Variants in USH1G observed in about 807,000 individuals in gnomAD.
The protein encoded by USH1G is USH1 protein network component sans.
A neutral mutation model predicts 31.9 loss-of-function variants in USH1G; 27 were observed. The observed-to-expected ratio is 0.85, with a 90% confidence interval of 0.62 to 1.17. The LOEUF (loss-of-function observed/expected upper bound fraction) is 1.17, where lower values mean the gene tolerates loss of function less well. USH1G is among the 50% of genes most tolerant of loss of function. USH1G has a pLI of 0.00. For missense variants in USH1G, 674 were observed against 638.9 expected (o/e 1.05, Z -0.59); for synonymous variants, 266 against 283.2 (o/e 0.94, Z 0.61).
chr17:74,922,730 A>G (rs902568626), intron 1 of USH1G, among the ~76,000 whole-genome samples, 180 bp downstream of exon 1: 8 of 152,076 alleles, frequency 5.3e-5, no homozygotes, highest in Admixed American at 2.0e-4. Context: ...TCCAGGTCAC[A>G]AGTGTTAACA....
Position 74,920,254 on chromosome 17 carries a change from C to T in USH1G, c.582G>A (p.Ala194=), listed in dbSNP as rs373704838. 1 of 1,602,298 alleles carries T rather than the reference C, an allele frequency of 6.2e-7. No individual in the cohort carries two copies. Among genetic ancestry groups the T allele is most frequent in the African/African-American group, 1.3e-5 (1 of 75,050 alleles). Residue 194 remains alanine (A), a synonymous_variant, in exon 2 of 3, where the codon GCG becomes GCA. Transcript: ENST00000614341. This position sits in a 1 kb window ranked among gnomAD's most constrained non-coding sequence, Gnocchi z 5.2. Reference sequence around the variant, plus strand: ...GAGAGTACGGCAGGTGGCTGCCCAGCGCCAGATGCTGCAGCCGGCGGCTCA... The same window carrying T: ...GAGAGTACGGCAGGTGGCTGCCCAGTGCCAGATGCTGCAGCCGGCGGCTCA... The part of the protein sequence containing the change: ...STLSRRLQHL[A]LGSHLPYSQA...
At chr17:74,922,584 C>T (rs879857915) in intron 1 of USH1G, among the ~76,000 whole-genome samples, 2 of 152,014 alleles carry the variant, frequency 1.3e-5, no homozygotes, top group Non-Finnish European at 2.9e-5. Flanking sequence ...ACCTTCTCTC[C>T]GAGTCTCACT....
chr17:74,920,002 C>T lies in USH1G; in HGVS notation c.834G>A (p.Ser278=), dbSNP rs1289073343. 10 of 1,612,312 alleles carry T rather than the reference C, an allele frequency of 6.2e-6. No individual in the cohort carries two copies. The highest frequency in any genetic ancestry group is 8.5e-6 in the Non-Finnish European group (10 of 1,179,644). Residue 278 remains serine, a synonymous_variant, in exon 2 of 3, where the codon TCG becomes TCA. Coordinates refer to ENST00000614341, the MANE Select transcript of USH1G (RefSeq NM_173477.5). The surrounding 1 kb of genome is among the most constrained non-coding windows in gnomAD (Gnocchi z 5.2). ...GRAPLRDMFL[S]DEDSVSRATL... is the part of the protein sequence containing the mutation. ...TGGCACGGGAGACGCTGTCCTCGTC[C>T]GAGAGGAACATGTCCCGGAGCGGGG...
chr17:74,918,808 C>CA lies in USH1G; in HGVS notation c.1382+645dup, dbSNP rs58218083. ...CTGGATGACAAGAGGGAAACTGTCTCAAAAAAAAAAAAAAAAAAATCTGCC... is the reference window on the plus strand; with the variant it reads ...CTGGATGACAAGAGGGAAACTGTCTCAAAAAAAAAAAAAAAAAAAATCTGCC... On this transcript the variant is annotated intron_variant, in intron 2 of 2. Transcript: ENST00000614341. This position sits in a 1 kb window ranked among gnomAD's most constrained non-coding sequence, Gnocchi z 4.1. Among the ~76,000 whole-genome samples, 4,101 of 107,226 alleles carry CA rather than the reference C, an allele frequency of 0.038. 99 individuals are homozygous for CA. Among genetic ancestry groups the CA allele is most frequent in the Admixed American group, 0.076 (752 of 9,934 alleles). 70.3% of individuals were successfully genotyped at this position (107,226 alleles called of 152,430 possible).
At chr17:74,922,044 G>C (rs1446496882) in intron 1 of USH1G, among the ~76,000 whole-genome samples, 1 of 152,168 alleles carries the variant, frequency 6.6e-6, no homozygotes, top group Non-Finnish European at 1.5e-5. Context: ...AACCTTCCTG[G>C]GGTGTCCTGT....
chr17:74,919,667 C>T lies in USH1G; in HGVS notation c.1169G>A (p.Ser390Asn). ...AGAGGCCAGGAAGGTCTCCAGCGGGCTAGTCTCGGGCTCCAGGTCCTCGTC... is the reference window on the plus strand; with the variant it reads ...AGAGGCCAGGAAGGTCTCCAGCGGGTTAGTCTCGGGCTCCAGGTCCTCGTC... ...GLDEDLEPET[S>N]PLETFLASLH... The change falls in exon 2 of 3, where the codon AGC becomes AAC. Residue 390 changes from serine to asparagine, a missense_variant. Physicochemically the swap from Ser to Asn is conservative, Grantham distance 46. Coordinates refer to ENST00000614341, the MANE Select transcript of USH1G (RefSeq NM_173477.5). The surrounding 1 kb of genome is among the most constrained non-coding windows in gnomAD (Gnocchi z 4.5). 2 of 1,612,864 alleles carry T rather than the reference C, an allele frequency of 1.2e-6. No individual in the cohort carries two copies. The highest frequency in any genetic ancestry group is 2.2e-5 in the South Asian group (2 of 91,088).
At position 74,922,899 on chromosome 17, in the gene USH1G, G is replaced by A. The variant is rs113248968; in HGVS notation, c.164+11C>T. 23 of 1,543,326 alleles carry A rather than the reference G, an allele frequency of 1.5e-5. No homozygotes were observed. Among genetic ancestry groups the A allele is most frequent in the African/African-American group, 1.2e-4 (9 of 73,068 alleles). On this transcript the variant is annotated intron_variant, in intron 1 of 2. Transcript: ENST00000614341. ...CAGGGGCCTCAAGGGCACTGGGTGG[G>A]GCGTACTCACCCGCGGCTCACAATG...
In USH1G at chr17:74,921,037, G is replaced by A. The variant is rs1281492894; in HGVS notation, c.165-366C>T. ...CAGCACAGAGCTGGCCCAGAGCGCT[G>A]GTGGGCCAGGGCCGCGTCTGGGTCT... On this transcript the variant is annotated intron_variant, in intron 1 of 2. Coordinates refer to ENST00000614341, the MANE Select transcript of USH1G (RefSeq NM_173477.5). This position sits in a 1 kb window ranked among gnomAD's most constrained non-coding sequence, Gnocchi z 4.6. Among the ~76,000 whole-genome samples the A allele has an allele frequency of 6.6e-6, 1 of 151,830 alleles. No homozygotes were observed. The highest frequency in any genetic ancestry group is 1.9e-4 in the East Asian group (1 of 5,136).
chr17:74,923,120 C>T lies in USH1G; in HGVS notation c.-47G>A. 3 of 1,522,978 alleles carry T rather than the reference C, an allele frequency of 2.0e-6. No individual in the cohort carries two copies. The highest frequency in any genetic ancestry group is 2.7e-6 in the Non-Finnish European group (3 of 1,128,004). The allele number at this position is 1,522,978 out of a possible 1,614,324, so 94.3% of individuals were successfully genotyped here. On this transcript the variant is annotated 5_prime_UTR_variant, in exon 1 of 3. Transcript: ENST00000614341. The surrounding 1 kb of genome is among the most constrained non-coding windows in gnomAD (Gnocchi z 5.3). ...GGGCGGGGGACACGGAGAAAGGCCC[C>T]CCGCAGGGGAGGGCGGCGGTATTAG...
In USH1G at chr17:74,920,147, G is replaced by C; in HGVS notation, c.689C>G (p.Thr230Ser). 1 of 1,602,312 alleles carries C rather than the reference G, an allele frequency of 6.2e-7. No homozygotes were observed. The highest frequency in any genetic ancestry group is 8.5e-7 in the Non-Finnish European group (1 of 1,179,818). ...LERRKQGGEG[T>S]FKVSEDGRKS... ...GCGCCCATCCTCGGAGACCTTGAAG[G>C]TGCCTTCGCCGCCCTGCTTGCGCCG... Residue 230 changes from threonine (T) to serine (S), a missense_variant, in exon 2 of 3, where the codon ACC (threonine) becomes AGC (serine). Coordinates refer to ENST00000614341, the MANE Select transcript of USH1G (RefSeq NM_173477.5). This position sits in a 1 kb window ranked among gnomAD's most constrained non-coding sequence, Gnocchi z 5.2.
chr17:74,920,323 C>A lies in USH1G; in HGVS notation c.513G>T (p.Glu171Asp). Residue 171 changes from glutamate (E) to aspartate (D), a missense_variant, in exon 2 of 3, where the codon GAG becomes GAT. By Grantham distance (45) the Glu-to-Asp change is conservative. Transcript: ENST00000614341. This position sits in a 1 kb window ranked among gnomAD's most constrained non-coding sequence, Gnocchi z 5.2. Reference sequence around the variant, plus strand: ...TGGAGAAGCTGAGGGTGTCGGAACGCTCGGCCAGCTCGCGCCGGTATCGCC... The same window carrying A: ...TGGAGAAGCTGAGGGTGTCGGAACGATCGGCCAGCTCGCGCCGGTATCGCC... ...MERRYRRELA[E>D]RSDTLSFSSL... The A allele has an allele frequency of 6.2e-7, 1 of 1,608,806 alleles. No individual in the cohort carries two copies. The highest frequency in any genetic ancestry group is 1.1e-5 in the South Asian group (1 of 90,992).
Position 74,920,803 on chromosome 17 carries a change from TC to T in USH1G, c.165-133del. On this transcript the variant is annotated intron_variant, in intron 1 of 2. Coordinates refer to ENST00000614341, the MANE Select transcript of USH1G (RefSeq NM_173477.5). This position sits in a 1 kb window ranked among gnomAD's most constrained non-coding sequence, Gnocchi z 5.2. ...AAAGGGACCGTGGGCCTGAGATCTC[TC>T]CCACTCCAGGAGACCTGCAGGCCTG... 7.4e-7 allele frequency: 1 copy of T among 1,352,874 alleles called. No individual in the cohort carries two copies. The highest frequency in any genetic ancestry group is 1.4e-5 in the South Asian group (1 of 72,368). The allele number at this position is 1,352,874 out of a possible 1,614,324, so 83.8% of individuals were successfully genotyped here.
In USH1G at chr17:74,919,821, C is replaced by T. The variant is rs756268562; in HGVS notation, c.1015G>A (p.Val339Met). The change falls in exon 2 of 3, where the codon GTG becomes ATG. Residue 339 changes from valine to methionine, a missense_variant. Transcript: ENST00000614341. The surrounding 1 kb of genome is among the most constrained non-coding windows in gnomAD (Gnocchi z 4.5). Reference protein sequence around the residue: ...LGREDGGLDGVGAPRGRLQSS... With the variant: ...LGREDGGLDGMGAPRGRLQSS... ...TGCAGCCGACCCCGCGGCGCTCCCA[C>T]CCCATCCAGACCCCCATCCTCGCGG... 2 of 1,612,868 alleles carry T rather than the reference C, an allele frequency of 1.2e-6. No homozygotes were observed. Among genetic ancestry groups the T allele is most frequent in the African/African-American group, 1.3e-5 (1 of 74,948 alleles).
In USH1G at chr17:74,918,424, G is replaced by A. The variant is rs930165466; in HGVS notation, c.1383-348C>T. On this transcript the variant is annotated intron_variant, in intron 2 of 2. Coordinates refer to ENST00000614341, the MANE Select transcript of USH1G (RefSeq NM_173477.5). The surrounding 1 kb of genome is among the most constrained non-coding windows in gnomAD (Gnocchi z 4.1). ...GGTGGCAGCCTTGGGCAACTATGAC[G>A]GCCTTTGGAACATGAACTCTGCCTC... Among the ~76,000 whole-genome samples, 4 of 152,190 alleles carry A rather than the reference G, an allele frequency of 2.6e-5. No individual in the cohort carries two copies. The highest frequency in any genetic ancestry group is 9.7e-5 in the African/African-American group (4 of 41,438).
At position 74,917,914 on chromosome 17, in the gene USH1G, C is replaced by A; in HGVS notation, c.*159G>T. The A allele has an allele frequency of 1.1e-6, 1 of 925,570 alleles. No individual in the cohort carries two copies. Among genetic ancestry groups the A allele is most frequent in the Non-Finnish European group, 1.7e-6 (1 of 583,262 alleles). 57.3% of individuals were successfully genotyped at this position (925,570 alleles called of 1,614,324 possible). ...CTCTGGTGCCTCCAGGCCACACCCT[C>A]AGCTTCAAGGTGCAGACAGACTTTC... On this transcript the variant is annotated 3_prime_UTR_variant, in exon 3 of 3. Coordinates refer to ENST00000614341, the MANE Select transcript of USH1G (RefSeq NM_173477.5).
In USH1G at chr17:74,917,892, T is replaced by C. The variant is rs540652275; in HGVS notation, c.*181A>G. On this transcript the variant is annotated 3_prime_UTR_variant, in exon 3 of 3. Coordinates refer to ENST00000614341, the MANE Select transcript of USH1G (RefSeq NM_173477.5). ...GTTCCGGAACATTCTCTTGCCCCTC[T>C]GGTGCCTCCAGGCCACACCCTCAGC... 2.6e-6 allele frequency: 2 copies of C among 754,764 alleles called. No individual in the cohort carries two copies. The highest frequency in any genetic ancestry group is 3.3e-5 in the South Asian group (2 of 61,156). 46.8% of individuals were successfully genotyped at this position (754,764 alleles called of 1,614,324 possible).
At position 74,920,677 on chromosome 17, in the gene USH1G, G is replaced by C. The variant is rs2038932791; in HGVS notation, c.165-6C>G. ...CACACTTGTCCGGGTCACCCCTGCA[G>C]GGAAAGCATTCAGGAGGGACGAGTG... On this transcript the variant is annotated splice_polypyrimidine_tract_variant and splice_region_variant and intron_variant, in intron 1 of 2. Transcript: ENST00000614341. This position sits in a 1 kb window ranked among gnomAD's most constrained non-coding sequence, Gnocchi z 5.2. The C allele has an allele frequency of 6.2e-7, 1 of 1,613,396 alleles. No homozygotes were observed. The highest frequency in any genetic ancestry group is 1.1e-5 in the South Asian group (1 of 91,086).
chr17:74,919,328 C>A lies in USH1G; in HGVS notation c.1382+126G>T. 1 of 1,401,078 alleles carries A rather than the reference C, an allele frequency of 7.1e-7. No homozygotes were observed. Among genetic ancestry groups the A allele is most frequent in the Non-Finnish European group, 9.4e-7 (1 of 1,064,738 alleles). The allele number at this position is 1,401,078 out of a possible 1,614,324, so 86.8% of individuals were successfully genotyped here. ...AAGGGTGCCTTTTATCATCGATGGC[C>A]TCATTTCGATTTTATGAAATACAGT... On this transcript the variant is annotated intron_variant, in intron 2 of 2. Transcript: ENST00000614341. The surrounding 1 kb of genome is among the most constrained non-coding windows in gnomAD (Gnocchi z 4.5).
In USH1G at chr17:74,921,246, G is replaced by A. The variant is rs540993967; in HGVS notation, c.165-575C>T. Among the ~76,000 whole-genome samples the A allele has an allele frequency of 2.6e-5, 4 of 152,154 alleles. No homozygotes were observed. Among genetic ancestry groups the A allele is most frequent in the African/African-American group, 9.6e-5 (4 of 41,518 alleles). On this transcript the variant is annotated intron_variant, in intron 1 of 2. Transcript: ENST00000614341. This position sits in a 1 kb window ranked among gnomAD's most constrained non-coding sequence, Gnocchi z 4.6. ...CCAGCCCTGGCAAGCCCGAGTGTGA[G>A]AGGAGGTGTCGGGCCTTGGCCTGGG...
Sources: gnomAD v4.1 joint callset for allele counts (sites outside exome capture counted in the v4.1 genomes callset) on GRCh38, gnomAD v4.1.1 for gene constraint, Gnocchi (gnomAD v3.1) non-coding constraint, MANE v1.5 for transcripts, NCBI Gene and HGNC (gene_info 2026-07-23, HGNC 2026-07-21) for gene names.